Variants in SLC41A3 observed in about 807,000 individuals in gnomAD.
SLC41A3 encodes the protein solute carrier family 41 member 3.
In SLC41A3, 44 loss-of-function variants were observed where a neutral mutation model predicts 45.4. The ratio of observed to expected loss-of-function variants is 0.97; its 90% CI spans 0.76 to 1.25. The LOEUF is 1.25. SLC41A3 is among the 50% of genes most tolerant of loss of function. The pLI, the probability that SLC41A3 is intolerant of heterozygous loss-of-function variation, is 0.00. For synonymous variants in SLC41A3, 256 were observed against 252.4 expected (o/e 1.01, Z -0.13); for missense variants, 550 against 600.6 (o/e 0.92, Z 0.88).
chr3:126,020,799 C>G (rs964322325), intron 6 of SLC41A3, among the ~76,000 whole-genome samples: 2 of 152,212 alleles, frequency 1.3e-5, no homozygotes, highest in African/African-American at 4.8e-5. Flanking sequence ...AATCCTTTTT[C>G]TTAACACAGA....
At chr3:126,078,681 T>C (rs1263913187) in intron 1 of SLC41A3, among the ~76,000 whole-genome samples, 3 of 152,144 alleles carry the variant, frequency 2.0e-5, no homozygotes, top group Non-Finnish European at 4.4e-5. Flanking sequence ...ACGATCACTT[T>C]ACGCAGAAGA....
At position 126,026,425 on chromosome 3, in the gene SLC41A3, C is replaced by G; in HGVS notation, c.508G>C (p.Val170Leu). The change falls in exon 5 of 11, where the codon GTG becomes CTG. Residue 170 changes from valine (V) to leucine (L), a missense_variant. By Grantham distance (32) the Val-to-Leu change is conservative. Transcript: ENST00000360370. This position sits in a 1 kb window ranked among gnomAD's most constrained non-coding sequence, Gnocchi z 4.2. ...LAAVAALLLG[V>L]VSREEVDVAK... Reference sequence around the variant, plus strand: ...ACATCCACTTCCTCTCGAGACACCACGCCCAACAGCAGCGCAGCCACAGCA... The same window carrying G: ...ACATCCACTTCCTCTCGAGACACCAGGCCCAACAGCAGCGCAGCCACAGCA... 1.3e-6 allele frequency: 2 copies of G among 1,597,764 alleles called. No homozygotes were observed. The highest frequency in any genetic ancestry group is 1.7e-6 in the Non-Finnish European group (2 of 1,171,932).
chr3:126,074,278 A>C (rs963746904), intron 1 of SLC41A3, among the ~76,000 whole-genome samples: 3 of 151,876 alleles, frequency 2.0e-5, no homozygotes, highest in Non-Finnish European at 4.4e-5. Flanking sequence ...GATAAGAGGA[A>C]TAGAAGGGAA....
At chr3:126,028,241 C>T (rs1192224338) in intron 4 of SLC41A3, among the ~76,000 whole-genome samples, 1 of 152,226 alleles carries the variant, frequency 6.6e-6, no homozygotes, top group African/African-American at 2.4e-5. Context: ...CTCACAGGCC[C>T]AGAGGCCTAG....
At chr3:126,042,544 CA>C (rs1329727039) in intron 3 of SLC41A3, among the ~76,000 whole-genome samples, 2 of 151,904 alleles carry the variant, frequency 1.3e-5, no homozygotes, top group African/African-American at 2.4e-5. Context: ...GTCACAGGAA[CA>C]AAAAAATTGA....
chr3:126,077,114 A>G (rs1421670144), intron 1 of SLC41A3, among the ~76,000 whole-genome samples: 2 of 152,226 alleles, frequency 1.3e-5, no homozygotes, highest in Admixed American at 1.3e-4. Context: ...CACGATGCTC[A>G]TGCCTGTAAT....
chr3:126,079,619 T>G (rs1945054015), intron 1 of SLC41A3, among the ~76,000 whole-genome samples: 2 of 152,162 alleles, frequency 1.3e-5, no homozygotes, highest in Non-Finnish European at 1.5e-5. Context: ...ACATTATGTT[T>G]GAGGAATGGA....
intron 3 of SLC41A3, among the ~76,000 whole-genome samples, chr3:126,048,759 A>G (rs919787267): frequency 6.6e-6 from 1 of 152,170 alleles, no homozygotes; most frequent in Non-Finnish European, 1.5e-5. Context: ...GGAGTAGGGG[A>G]GTGGGCTGCA....
intron 1 of SLC41A3, among the ~76,000 whole-genome samples, chr3:126,082,330 G>A (rs1015086292): frequency 6.6e-6 from 1 of 152,206 alleles, no homozygotes; most frequent in African/African-American, 2.4e-5. Flanking sequence ...TGCCTCCAAG[G>A]TCCCCACAGA....
Position 126,069,889 on chromosome 3 carries a change from A to G in SLC41A3, c.-27-1643T>C, listed in dbSNP as rs78666419. On this transcript the variant is annotated intron_variant, in intron 1 of 10. Transcript: ENST00000360370. ...GATCTGAGCAGGGAGAATATAAAGA[A>G]TTGCTGAACTGAAAGATAAATCAAG... 2.6e-5 allele frequency among the ~76,000 whole-genome samples: 4 copies of G among 152,276 alleles called. No homozygotes were observed. The East Asian group carries it at 7.7e-4, about 29-fold the overall frequency.
rs750968259 is a variant in SLC41A3 at position 126,050,965 on chromosome 3, A to C, written c.359T>G (p.Leu120Arg). ...VGLKGNLEMT[L>R]ASRLSTAANT... is the part of the protein sequence containing the mutation. ...TACAGCTGTGGAGAGTCTGGATGCC[A>C]GTGTCATCTCCAGGTTCCCCTTCAG... The change falls in exon 3 of 11, where the codon CTG (leucine) becomes CGG (arginine). Residue 120 changes from leucine to arginine, a missense_variant. Leu to Arg is a moderately radical substitution (Grantham distance 102, BLOSUM62 -2). Transcript: ENST00000360370. 2 of 1,612,730 alleles carry C rather than the reference A, an allele frequency of 1.2e-6. No individual in the cohort carries two copies. The highest frequency in any genetic ancestry group is 1.7e-6 in the Non-Finnish European group (2 of 1,179,476).
intron 3 of SLC41A3, among the ~76,000 whole-genome samples, chr3:126,041,874 C>T (rs1942617384): frequency 6.6e-6 from 1 of 152,152 alleles, no homozygotes; most frequent in African/African-American, 2.4e-5. Flanking sequence ...TTAAGATCTG[C>T]AGCAACCAAG....
Position 126,007,652 on chromosome 3 carries a change from T to C in SLC41A3, c.1255-427A>G, listed in dbSNP as rs116997840. 6.1e-3 allele frequency among the ~76,000 whole-genome samples: 935 copies of C among 152,336 alleles called. 13 individuals are homozygous for C. The highest frequency in any genetic ancestry group is 0.052 in the East Asian group (272 of 5,182). ...TCCACACAAGCCTGCTCAGGTCTCATGGCTCCTCAATCCCTTGTCCAGGCT... is the reference window on the plus strand; with the variant it reads ...TCCACACAAGCCTGCTCAGGTCTCACGGCTCCTCAATCCCTTGTCCAGGCT... On this transcript the variant is annotated intron_variant, in intron 10 of 10. Transcript: ENST00000360370.
At chr3:126,079,247 C>CACACAT (rs1491429929) in intron 1 of SLC41A3, among the ~76,000 whole-genome samples, 4 of 147,946 alleles carry the variant, frequency 2.7e-5, no homozygotes, top group South Asian at 2.2e-4. Flanking sequence ...CACCCACACA[C>CACACAT]GATCAGGGAT....
At chr3:126,049,104 A>T (rs1346616940) in intron 3 of SLC41A3, among the ~76,000 whole-genome samples, 1 of 151,562 alleles carries the variant, frequency 6.6e-6, no homozygotes, top group African/African-American at 2.4e-5. Context: ...TTCAAGAATT[A>T]CATTAATAGT....
At chr3:126,099,928 G>A (rs1945676148) in intron 1 of SLC41A3, among the ~76,000 whole-genome samples, 1 of 152,126 alleles carries the variant, frequency 6.6e-6, no homozygotes, top group African/African-American at 2.4e-5. Flanking sequence ...GTTGGCAGAG[G>A]GAATAGCGGC....
rs184414414 is a variant in SLC41A3 at position 126,028,023 on chromosome 3, G to A, written c.454-1544C>T. ...TGAGCAAAGAAATGATGCAAAACTG[G>A]AACTTATATTTAAAGGGGAAGCAGA... On this transcript the variant is annotated intron_variant, in intron 4 of 10. Coordinates refer to ENST00000360370, the MANE Select transcript of SLC41A3 (RefSeq NM_017836.4). Among the ~76,000 whole-genome samples, 1,165 of 152,286 alleles carry A rather than the reference G, an allele frequency of 7.7e-3. 9 individuals carry two copies. Among genetic ancestry groups the A allele is most frequent in the Non-Finnish European group, 0.012 (784 of 68,032 alleles).
At chr3:126,059,264 A>AAAGAAAGAAAGAAAGAC in intron 2 of SLC41A3, among the ~76,000 whole-genome samples, 1 of 2,598 alleles carries the variant, frequency 3.8e-4, no homozygotes, top group Non-Finnish European at 5.8e-4. Flanking sequence ...AGAAAGAAAG[A>AAAGAAAGAAAGAAAGAC]AGAAAGAAAG....
intron 2 of SLC41A3, among the ~76,000 whole-genome samples, chr3:126,061,069 A>C (rs1261238063): frequency 6.6e-6 from 1 of 152,060 alleles, no homozygotes; most frequent in African/African-American, 2.4e-5. Flanking sequence ...TCTGGAGTAC[A>C]TTTCTGACAC....
Sources: gnomAD v4.1 joint callset for allele counts (sites outside exome capture counted in the v4.1 genomes callset) on GRCh38, gnomAD v4.1.1 for gene constraint, Gnocchi (gnomAD v3.1) non-coding constraint, MANE v1.5 for transcripts, NCBI Gene and HGNC (gene_info 2026-07-23, HGNC 2026-07-21) for gene names.